The following MPPED2 variants were observed in gnomAD, a reference collection of about 807,000 sequenced individuals.
MPPED2 encodes metallophosphoesterase domain containing 2, also known as metallophosphoesterase MPPED2.
MPPED2 carries 5 observed loss-of-function variants against 33.0 expected under a neutral mutation model. The ratio of observed to expected loss-of-function variants is 0.15; its 90% CI spans 0.08 to 0.32. The LOEUF (loss-of-function observed/expected upper bound fraction) is 0.32, where lower values mean the gene tolerates loss of function less well. Ranked by LOEUF, MPPED2 falls within the 10% of genes least tolerant of loss-of-function variation. The probability of loss-of-function intolerance (pLI) is 1.00; values close to 1 mark genes in which losing one functional copy is unlikely to be tolerated. For missense variants in MPPED2, 275 were observed against 372.1 expected, an observed-to-expected ratio of 0.74 and a Z score of 2.15; for synonymous variants, 136 against 141.9, an observed-to-expected ratio of 0.96 and a Z score of 0.29.
intron 4 of MPPED2, among the ~76,000 whole-genome samples, chr11:30,494,204 A>G (rs1484802695): frequency 6.6e-6 from 1 of 152,122 alleles, no homozygotes; most frequent in Non-Finnish European, 1.5e-5. Flanking sequence ...GAGAAACCCT[A>G]ATCTAAGCAA....
In MPPED2 at chr11:30,563,341, C is replaced by T. The variant is rs147097850; in HGVS notation, c.128+16905G>A. Among the ~76,000 whole-genome samples the T allele has an allele frequency of 8.5e-5, 13 of 152,230 alleles. No homozygotes were observed. The East Asian group carries it at 1.7e-3, about 20-fold the overall frequency. On this transcript the variant is annotated intron_variant, in intron 2 of 6. Transcript: ENST00000358117. ...TTAGATTCTCATAAGGAGTAAGCAA[C>T]GTAGATCCCTCGTATGCACAGTTTA...
chr11:30,493,179 C>A (rs1369021197), intron 4 of MPPED2, among the ~76,000 whole-genome samples: 2 of 151,840 alleles, frequency 1.3e-5, no homozygotes, highest in African/African-American at 4.8e-5. Context: ...GTCAGGAGAT[C>A]GAGACCACGG....
chr11:30,516,256 G>A (rs1333264373), intron 3 of MPPED2, among the ~76,000 whole-genome samples: 1 of 151,922 alleles, frequency 6.6e-6, no homozygotes, highest in African/African-American at 2.4e-5. Context: ...CCTTCTAGAA[G>A]GAAAAAACAG....
chr11:30,565,211 A>T (rs558120452), intron 2 of MPPED2, among the ~76,000 whole-genome samples: 1 of 152,228 alleles, frequency 6.6e-6, no homozygotes, highest in African/African-American at 2.4e-5. Context: ...TATGGACGCG[A>T]GGAACTGATC....
At chr11:30,488,254 A>G (rs1423031816) in intron 4 of MPPED2, among the ~76,000 whole-genome samples, 2 of 152,222 alleles carry the variant, frequency 1.3e-5, no homozygotes, top group Non-Finnish European at 2.9e-5. Context: ...CCCAAATGAG[A>G]TAATACATAT....
At chr11:30,457,275 A>G (rs1476157088) in intron 4 of MPPED2, among the ~76,000 whole-genome samples, 1 of 152,110 alleles carries the variant, frequency 6.6e-6, no homozygotes, top group Non-Finnish European at 1.5e-5. Context: ...ACAGGTTCCA[A>G]TAATGAAGGG....
At chr11:30,429,943 A>G (rs981657416) in intron 4 of MPPED2, among the ~76,000 whole-genome samples, 1 of 152,166 alleles carries the variant, frequency 6.6e-6, no homozygotes, top group African/African-American at 2.4e-5. Flanking sequence ...CAAGCATTTG[A>G]ATCCACGTTG....
chr11:30,467,770 CAT>C (rs1191347192), intron 4 of MPPED2, among the ~76,000 whole-genome samples: 3 of 152,230 alleles, frequency 2.0e-5, no homozygotes, highest in African/African-American at 7.2e-5. Flanking sequence ...ACCTGCTACA[CAT>C]GTTTAAATGT....
intron 5 of MPPED2, among the ~76,000 whole-genome samples, chr11:30,417,245 T>G (rs1315520954): frequency 6.6e-6 from 1 of 152,118 alleles, no homozygotes; most frequent in African/African-American, 2.4e-5. Flanking sequence ...TTAAAATAAA[T>G]TATCAAGCTC....
At chr11:30,575,380 A>G (rs938851014) in intron 2 of MPPED2, among the ~76,000 whole-genome samples, 1 of 152,198 alleles carries the variant, frequency 6.6e-6, no homozygotes, top group Non-Finnish European at 1.5e-5. Flanking sequence ...ATGTCATTAT[A>G]TATCATTTCA....
exon 7 of MPPED2, chr11:30,384,757 G>C (rs1947684824): frequency 6.6e-6 from 1 of 152,096 alleles, no homozygotes; most frequent in Non-Finnish European, 1.5e-5. Flanking sequence ...GCCTGGCCAG[G>C]ATACCCAGGT....
At chr11:30,514,437 A>C (rs1953406556) in intron 3 of MPPED2, among the ~76,000 whole-genome samples, 1 of 152,176 alleles carries the variant, frequency 6.6e-6, no homozygotes, top group African/African-American at 2.4e-5. Context: ...AGGAATACTG[A>C]AAGAACCCGA....
At chr11:30,441,628 A>G (rs576399315) in intron 4 of MPPED2, among the ~76,000 whole-genome samples, 1 of 152,344 alleles carries the variant, frequency 6.6e-6, no homozygotes, top group African/African-American at 2.4e-5. Context: ...GTTTAGGCTC[A>G]TATTTCTCTC....
chr11:30,497,364 T>C (rs1267696269), intron 3 of MPPED2, among the ~76,000 whole-genome samples: 6 of 152,170 alleles, frequency 3.9e-5, no homozygotes, highest in Admixed American at 6.5e-5. Context: ...ATGAGTCTAA[T>C]AGTGCTCCCC....
intron 6 of MPPED2, among the ~76,000 whole-genome samples, chr11:30,404,651 C>G (rs1947961201): frequency 6.6e-6 from 1 of 152,208 alleles, no homozygotes; most frequent in Admixed American, 6.5e-5. Context: ...CAGACCCCAA[C>G]TTTCTTTTAT....
intron 4 of MPPED2, among the ~76,000 whole-genome samples, chr11:30,488,566 C>T (rs1449890476): frequency 6.6e-6 from 1 of 152,204 alleles, no homozygotes. Flanking sequence ...ATGGTATTTA[C>T]TGATTTGGTC....
chr11:30,420,854 C>T (rs1344689686), intron 4 of MPPED2, among the ~76,000 whole-genome samples: 1 of 152,100 alleles, frequency 6.6e-6, no homozygotes, highest in Non-Finnish European at 1.5e-5. Context: ...ATTTGGGATG[C>T]CCATCCTTCC....
At chr11:30,543,489 G>T (rs571034471) in intron 2 of MPPED2, among the ~76,000 whole-genome samples, 12 of 152,154 alleles carry the variant, frequency 7.9e-5, no homozygotes, top group Non-Finnish European at 1.2e-4. Flanking sequence ...ACTATTTACC[G>T]ATGAAAGAGC....
At chr11:30,428,124 A>T (rs1238919531) in intron 4 of MPPED2, among the ~76,000 whole-genome samples, 2 of 152,190 alleles carry the variant, frequency 1.3e-5, no homozygotes, top group Non-Finnish European at 2.9e-5. Context: ...TGTGGCAATA[A>T]AAAAGCATCT....
Sources: allele counts gnomAD v4.1 joint callset (sites outside exome capture counted in the v4.1 genomes callset), GRCh38; gene constraint gnomAD v4.1.1; transcripts MANE v1.5; gene names NCBI Gene and HGNC (gene_info 2026-07-23, HGNC 2026-07-21).